Variants in SH3D19 observed in about 807,000 individuals in gnomAD.
SH3D19 encodes SH3 domain-containing protein 19.
A neutral mutation model predicts 112.1 loss-of-function variants in SH3D19; 58 were observed. The observed-to-expected ratio is 0.52, with a 90% CI of 0.42 to 0.64. SH3D19 has a LOEUF of 0.64. SH3D19 is among the 30% of genes least tolerant of loss of function. The pLI is 0.00. For missense variants in SH3D19, 1,090 were observed against 1,263.4 expected, an observed-to-expected ratio of 0.86 and a Z score of 2.08; for synonymous variants, 391 against 448.5, an observed-to-expected ratio of 0.87 and a Z score of 1.62.
chr4:151,127,755 T>G, intron 18 of SH3D19, 40 bp from the exon 19 acceptor site: 1 of 1,190,030 alleles, frequency 8.4e-7, no homozygotes. Flanking sequence ...AGAAACACAG[T>G]GGACTAAAAC....
At chr4:151,230,210 C>T (rs776319758) in intron 1 of SH3D19, among the ~76,000 whole-genome samples, 8 of 152,172 alleles carry the variant, frequency 5.3e-5, no homozygotes, top group Non-Finnish European at 1.2e-4. Flanking sequence ...GAAATGGGCC[C>T]CTGTTCTGGC....
intron 3 of SH3D19, among the ~76,000 whole-genome samples, 157 bp from the exon 4 acceptor site, chr4:151,179,554 AT>A (rs1477294723): frequency 1.3e-5 from 2 of 152,190 alleles, no homozygotes; most frequent in African/African-American, 4.8e-5. Context: ...CAAAACAATC[AT>A]TTTATTAGCA....
intron 3 of SH3D19, among the ~76,000 whole-genome samples, chr4:151,179,654 T>C (rs1760519675): frequency 1.3e-5 from 2 of 152,174 alleles, no homozygotes; most frequent in Non-Finnish European, 2.9e-5. Context: ...GTGAAAATAG[T>C]TTGAAGAATG....
Position 151,174,842 on chromosome 4 carries a change from T to A in SH3D19, c.1362A>T (p.Ser454=), listed in dbSNP as rs1441890438. The A allele has an allele frequency of 6.3e-7, 1 of 1,589,646 alleles. No homozygotes were observed. The highest frequency in any genetic ancestry group is 1.2e-5 in the South Asian group (1 of 85,582). Residue 454 remains serine (S), a synonymous_variant, in exon 7 of 20, where the codon TCA becomes TCT. Transcript: ENST00000604030. ...VTVPPRLAGA[S]QAKAYKSLGE... is the part of the protein sequence containing the mutation. ...CCAGTGACTTGTATGCTTTGGCTTG[T>A]GATGCCCCTGCGAGTCGGGGAGGAA...
intron 1 of SH3D19, chr4:151,279,881 C>G: frequency 6.2e-7 from 1 of 1,613,922 alleles, no homozygotes; most frequent in South Asian, 1.1e-5. Flanking sequence ...TCAGCCTACA[C>G]TTTGACCACA....
At chr4:151,211,136 G>T (rs1359659631) in intron 2 of SH3D19, among the ~76,000 whole-genome samples, 1 of 152,086 alleles carries the variant, frequency 6.6e-6, no homozygotes, top group Non-Finnish European at 1.5e-5. Flanking sequence ...CAAGCGTGGT[G>T]GTGCATGCCT....
chr4:151,173,268 A>G (rs948725119), intron 7 of SH3D19, among the ~76,000 whole-genome samples: 1 of 152,238 alleles, frequency 6.6e-6, no homozygotes, highest in Non-Finnish European at 1.5e-5. Context: ...AAAGGTTTAT[A>G]TAAGAAAATG....
intron 1 of SH3D19, among the ~76,000 whole-genome samples, chr4:151,244,199 A>AAAC (rs55872637): frequency 0.11 from 16,118 of 150,994 alleles, 1,117 homozygotes; most frequent in East Asian, 0.25. Flanking sequence ...CCCACATCTC[A>AAAC]AACAACAACA....
intron 1 of SH3D19, among the ~76,000 whole-genome samples, chr4:151,296,048 G>A (rs1248109051): frequency 1.5e-5 from 2 of 131,006 alleles, no homozygotes; most frequent in Admixed American, 7.7e-5. Flanking sequence ...AAAAAAAAAA[G>A]AAAGAAAGAA....
At chr4:151,125,147 T>C (rs952358480) in intron 19 of SH3D19, among the ~76,000 whole-genome samples, 1 of 152,208 alleles carries the variant, frequency 6.6e-6, no homozygotes, top group African/African-American at 2.4e-5. Context: ...GAGTTTTTAA[T>C]TTTGCATAGC....
chr4:151,169,918 T>C (rs1033843734), intron 7 of SH3D19, among the ~76,000 whole-genome samples: 10 of 152,166 alleles, frequency 6.6e-5, no homozygotes, highest in African/African-American at 2.2e-4. Flanking sequence ...ACAACCTGAA[T>C]GTCCATCAAC....
In SH3D19 at chr4:151,196,267, T is replaced by TA. The variant is rs886415817; in HGVS notation, c.153-8805dup. Among the ~76,000 whole-genome samples the TA allele has an allele frequency of 7.2e-5, 11 of 151,792 alleles. No homozygotes were observed. The East Asian group carries it at 9.7e-4, about 13-fold the overall frequency. ...GTGAGACCCTTATCTCTACAAAAAATAAAAAAAATTAACTGGATGTGGTGG... is the reference window on the plus strand; with the variant it reads ...GTGAGACCCTTATCTCTACAAAAAATAAAAAAAAATTAACTGGATGTGGTGG... On this transcript the variant is annotated intron_variant, in intron 2 of 19. Transcript: ENST00000604030.
chr4:151,175,489 T>C lies in SH3D19; in HGVS notation c.715A>G (p.Arg239Gly). Residue 239 changes from arginine (R) to glycine (G), a missense_variant, in exon 7 of 20, where the codon AGA (arginine) becomes GGA (glycine). Coordinates refer to ENST00000604030, the MANE Select transcript of SH3D19 (RefSeq NM_001378122.1). ...RSKSNLRPIP[R>G]DSHIKEQSQQ... ...CTTTGCTCTTTAATGTGAGAATCTCTGGGTATTGGTCTGAGGTTGCTTTTT... is the reference window on the plus strand; with the variant it reads ...CTTTGCTCTTTAATGTGAGAATCTCCGGGTATTGGTCTGAGGTTGCTTTTT... The C allele has an allele frequency of 6.8e-7, 1 of 1,466,182 alleles. No homozygotes were observed. Among genetic ancestry groups the C allele is most frequent in the South Asian group, 1.5e-5 (1 of 68,388 alleles). 90.8% of individuals were successfully genotyped at this position (1,466,182 alleles called of 1,614,324 possible). A position where few individuals can be genotyped will look rare whatever the true frequency, so the allele number is the denominator to read the frequency against.
At chr4:151,299,419 A>G (rs1728117247) in intron 1 of SH3D19, among the ~76,000 whole-genome samples, 1 of 152,068 alleles carries the variant, frequency 6.6e-6, no homozygotes, top group East Asian at 1.9e-4. Context: ...CGTCTCCACT[A>G]AAAATACAAA....
chr4:151,154,996 G>A (rs1422091250), intron 9 of SH3D19, among the ~76,000 whole-genome samples: 1 of 152,092 alleles, frequency 6.6e-6, no homozygotes, highest in Non-Finnish European at 1.5e-5. Context: ...GATCTCAAGT[G>A]ATTTGCCCGC....
At chr4:151,122,886 C>T (rs1748312342) in intron 19 of SH3D19, among the ~76,000 whole-genome samples, 2 of 139,782 alleles carry the variant, frequency 1.4e-5, no homozygotes, top group African/African-American at 5.5e-5. Flanking sequence ...GAGTCTCGCT[C>T]TGTCACCCAG....
At chr4:151,317,516 A>C (rs1334982069) in intron 1 of SH3D19, among the ~76,000 whole-genome samples, 1 of 152,210 alleles carries the variant, frequency 6.6e-6, no homozygotes, top group Non-Finnish European at 1.5e-5. Context: ...AAGTTATAGA[A>C]CTGCTGGATG....
At chr4:151,127,352 A>C (rs1749639772) in intron 19 of SH3D19, among the ~76,000 whole-genome samples, 3 of 152,204 alleles carry the variant, frequency 2.0e-5, no homozygotes, top group Non-Finnish European at 2.9e-5. Context: ...ATGACCTAAG[A>C]CCAAGGAACA....
At chr4:151,241,772 C>T (rs539814813) in intron 1 of SH3D19, among the ~76,000 whole-genome samples, 1 of 151,838 alleles carries the variant, frequency 6.6e-6, no homozygotes, top group African/African-American at 2.4e-5. Context: ...AAAAGAATAA[C>T]CCTGATTAAA....
Sources: gnomAD v4.1 joint callset for allele counts (sites outside exome capture counted in the v4.1 genomes callset) on GRCh38, gnomAD v4.1.1 for gene constraint, MANE v1.5 for transcripts, NCBI Gene and HGNC (gene_info 2026-07-23, HGNC 2026-07-21) for gene names.